RSPO2: variants seen among roughly 807,000 people sequenced by gnomAD.
RSPO2 encodes the protein R-spondin 2.
A neutral mutation model predicts 30.9 loss-of-function variants in RSPO2; 14 were observed. The ratio of observed to expected loss-of-function variants is 0.45; its 90% confidence interval spans 0.30 to 0.71. The LOEUF is 0.71. RSPO2 is among the 30% of genes least tolerant of loss of function. The pLI is 0.08. For synonymous variants in RSPO2, 107 were observed against 96.4 expected, an observed-to-expected ratio of 1.11 and a Z score of -0.64; for missense variants, 264 against 301.9, an observed-to-expected ratio of 0.87 and a Z score of 0.93.
intron 2 of RSPO2, among the ~76,000 whole-genome samples, chr8:108,052,947 A>C (rs1812121051): frequency 2.0e-5 from 3 of 152,148 alleles, no homozygotes; most frequent in Admixed American, 2.0e-4. Flanking sequence ...AGGTGCCTTT[A>C]AGTTATCTCT....
intron 5 of RSPO2, among the ~76,000 whole-genome samples, chr8:107,919,973 C>T (rs1345731018): frequency 1.3e-5 from 2 of 152,090 alleles, no homozygotes; most frequent in African/African-American, 2.4e-5. Flanking sequence ...AAGCTTCAAG[C>T]GTCCAGTATT....
At chr8:108,059,566 G>A (rs1382170456) in intron 2 of RSPO2, among the ~76,000 whole-genome samples, 4 of 149,812 alleles carry the variant, frequency 2.7e-5, no homozygotes, top group African/African-American at 5.0e-5. Flanking sequence ...TGTTTATTGC[G>A]GCACTATTCA....
chr8:108,078,528 TAA>T (rs35764280), intron 2 of RSPO2, among the ~76,000 whole-genome samples: 1 of 150,792 alleles, frequency 6.6e-6, no homozygotes, highest in Non-Finnish European at 1.5e-5. Flanking sequence ...AAAGTATTTG[TAA>T]AAAAAAAATT....
chr8:108,013,939 G>A (rs1810787121), intron 2 of RSPO2, among the ~76,000 whole-genome samples: 1 of 152,122 alleles, frequency 6.6e-6, no homozygotes, highest in African/African-American at 2.4e-5. Flanking sequence ...GAAAATGTTT[G>A]CAATCTATCC....
At chr8:108,012,866 A>T (rs1220663370) in intron 2 of RSPO2, among the ~76,000 whole-genome samples, 1 of 152,226 alleles carries the variant, frequency 6.6e-6, no homozygotes, top group East Asian at 1.9e-4. Context: ...GTTTTCATTC[A>T]TTGACATTTA....
At chr8:107,930,476 G>A (rs1374647553) in intron 5 of RSPO2, among the ~76,000 whole-genome samples, 3 of 152,158 alleles carry the variant, frequency 2.0e-5, no homozygotes, top group Non-Finnish European at 4.4e-5. Context: ...AAGCTGCAAG[G>A]CTTCCTCAAC....
chr8:107,996,333 C>G (rs957982801), intron 2 of RSPO2, among the ~76,000 whole-genome samples: 1 of 152,104 alleles, frequency 6.6e-6, no homozygotes, highest in Non-Finnish European at 1.5e-5. Flanking sequence ...AAAAGCCACC[C>G]CTTTAACATG....
chr8:108,078,451 G>A (rs1813081075), intron 2 of RSPO2, among the ~76,000 whole-genome samples: 1 of 152,178 alleles, frequency 6.6e-6, no homozygotes. Flanking sequence ...TCATTTAACT[G>A]TAGGTTAGTA....
chr8:107,925,025 C>T (rs1308352811), intron 5 of RSPO2, among the ~76,000 whole-genome samples: 1 of 151,982 alleles, frequency 6.6e-6, no homozygotes, highest in Non-Finnish European at 1.5e-5. Flanking sequence ...AACCTCATAG[C>T]TATCTCCCAT....
At chr8:107,983,507 AG>A in intron 3 of RSPO2, 1 of 1,599,754 alleles carries the variant, frequency 6.3e-7, no homozygotes, top group Non-Finnish European at 8.6e-7. Context: ...CCTGAGATTC[AG>A]GGGATCTTTG....
At chr8:107,983,193 A>C in intron 3 of RSPO2, 4 of 1,563,118 alleles carry the variant, frequency 2.6e-6, no homozygotes, top group Non-Finnish European at 3.5e-6. Context: ...CTGTAGGCAA[A>C]TACGAAGAGG....
chr8:107,960,755 C>T lies in RSPO2; in HGVS notation c.346G>A (p.Gly116Ser). 6.2e-7 allele frequency: 1 copy of T among 1,612,552 alleles called. No individual in the cohort carries two copies. The highest frequency in any genetic ancestry group is 1.7e-4 in the Middle Eastern group (1 of 6,058). The part of the protein sequence containing the change: ...SKDFCTKCKV[G>S]FYLHRGRCFD... ...CAACGGCCTCTATGCAAATAAAAGC[C>T]TACTTTGCACTTGGTACAAAAGTCT... The change falls in exon 4 of 6, where the codon GGC becomes AGC. Residue 116 changes from glycine to serine, a missense_variant. Gly to Ser is a moderately conservative substitution (Grantham distance 56). Coordinates refer to ENST00000276659, the MANE Select transcript of RSPO2 (RefSeq NM_178565.5).
chr8:108,016,957 AT>A (rs1169027527), intron 2 of RSPO2, among the ~76,000 whole-genome samples: 11 of 151,990 alleles, frequency 7.2e-5, no homozygotes, highest in African/African-American at 2.7e-4. Context: ...CCACGAGCCA[AT>A]TAAACCTCCT....
intron 2 of RSPO2, among the ~76,000 whole-genome samples, chr8:108,030,786 T>C (rs1811395199): frequency 6.6e-6 from 1 of 152,226 alleles, no homozygotes; most frequent in Admixed American, 6.5e-5. Context: ...TTAAAACTCA[T>C]AAGAAAAGCC....
chr8:108,006,669 G>A (rs1233027106), intron 2 of RSPO2, among the ~76,000 whole-genome samples: 2 of 151,928 alleles, frequency 1.3e-5, no homozygotes, highest in African/African-American at 2.4e-5. Context: ...AATATGTTGG[G>A]AAAAGTCAAC....
At chr8:108,014,035 T>C (rs1810790684) in intron 2 of RSPO2, among the ~76,000 whole-genome samples, 1 of 152,074 alleles carries the variant, frequency 6.6e-6, no homozygotes, top group Non-Finnish European at 1.5e-5. Flanking sequence ...GGATGAAGAA[T>C]AGGAACAGAC....
rs184425408 is a variant in RSPO2 at position 108,009,943 on chromosome 8, C to T, written c.95-20699G>A. Among the ~76,000 whole-genome samples, 189 of 151,834 alleles carry T rather than the reference C, an allele frequency of 1.2e-3. 1 individual carries two copies. The highest frequency in any genetic ancestry group is 0.01 in the Middle Eastern group (3 of 294). ...ACACGCTTGTAGTCCCAGCTACTTGCGAGGCTGAGGCAGGAGGATCACTTG... is the reference window on the plus strand; with the variant it reads ...ACACGCTTGTAGTCCCAGCTACTTGTGAGGCTGAGGCAGGAGGATCACTTG... On this transcript the variant is annotated intron_variant, in intron 2 of 5. Coordinates refer to ENST00000276659, the MANE Select transcript of RSPO2 (RefSeq NM_178565.5).
intron 5 of RSPO2, among the ~76,000 whole-genome samples, chr8:107,945,422 G>A (rs775581053): frequency 1.8e-4 from 27 of 151,350 alleles, no homozygotes; most frequent in South Asian, 8.3e-4. Flanking sequence ...CTAATTTTTT[G>A]TATTTTTAGT....
intron 2 of RSPO2, among the ~76,000 whole-genome samples, chr8:108,045,329 C>T (rs1445644372): frequency 6.6e-6 from 1 of 152,128 alleles, no homozygotes; most frequent in Non-Finnish European, 1.5e-5. Context: ...TGCTCCCTAT[C>T]ACTCATCATC....
Sources: gnomAD v4.1 joint callset for allele counts (sites outside exome capture counted in the v4.1 genomes callset) on GRCh38, gnomAD v4.1.1 for gene constraint, MANE v1.5 for transcripts, NCBI Gene and HGNC (gene_info 2026-07-23, HGNC 2026-07-21) for gene names.